Variants in CGNL1 observed in about 807,000 individuals in gnomAD.
The protein encoded by CGNL1 is cingulin-like protein 1.
CGNL1 carries 132 observed loss-of-function variants against 141.2 expected under a neutral mutation model. The ratio of observed to expected loss-of-function variants is 0.93; its 90% CI spans 0.81 to 1.08. The LOEUF (loss-of-function observed/expected upper bound fraction) is 1.08, where lower values mean the gene tolerates loss of function less well. Ranked by LOEUF, CGNL1 falls within the 50% of genes least tolerant of loss-of-function variation. The pLI is 0.00. For synonymous variants in CGNL1, 690 were observed against 622.1 expected (o/e 1.11, Z -1.63); for missense variants, 1,870 against 1,588.6 (o/e 1.18, Z -3.01).
intron 1 of CGNL1, among the ~76,000 whole-genome samples, chr15:57,397,372 C>T (rs1267390973): frequency 2.6e-5 from 4 of 152,136 alleles, no homozygotes; most frequent in Non-Finnish European, 4.4e-5. Flanking sequence ...CTCCATTTGG[C>T]GGAGTGGTGG....
chr15:57,453,954 C>T, intron 7 of CGNL1, 136 bp downstream of exon 7: 1 of 923,696 alleles, frequency 1.1e-6, no homozygotes, highest in East Asian at 2.6e-5. Context: ...ATCTGTGAGT[C>T]AGTGGATGCG....
intron 14 of CGNL1, among the ~76,000 whole-genome samples, chr15:57,537,368 G>T (rs1337056942): frequency 6.6e-6 from 1 of 152,204 alleles, no homozygotes; most frequent in African/African-American, 2.4e-5. Context: ...TCAGCATCAG[G>T]GGTGCCACCC....
At chr15:57,464,063 C>T (rs1464006440) in intron 8 of CGNL1, among the ~76,000 whole-genome samples, 1 of 112,736 alleles carries the variant, frequency 8.9e-6, no homozygotes. Context: ...GCATAGGGGG[C>T]ACTTTTGTCC....
intron 8 of CGNL1, among the ~76,000 whole-genome samples, chr15:57,486,872 C>T (rs1297216162): frequency 1.3e-5 from 2 of 152,148 alleles, no homozygotes; most frequent in East Asian, 1.9e-4. Flanking sequence ...GAGGGGGAGG[C>T]TGTTTGCATT....
intron 1 of CGNL1, among the ~76,000 whole-genome samples, chr15:57,429,224 C>G (rs1412296288): frequency 6.6e-6 from 1 of 152,112 alleles, no homozygotes; most frequent in African/African-American, 2.4e-5. Context: ...ACACAATTAC[C>G]AGTGACAACA....
chr15:57,518,591 C>G (rs1254893567), intron 10 of CGNL1, 94 bp downstream of exon 10: 4 of 820,598 alleles, frequency 4.9e-6, no homozygotes, highest in Non-Finnish European at 8.1e-6. Flanking sequence ...TTGGCCCTCT[C>G]TTTCCATGTA....
At chr15:57,418,084 A>G (rs1190008480) in intron 1 of CGNL1, among the ~76,000 whole-genome samples, 2 of 152,116 alleles carry the variant, frequency 1.3e-5, no homozygotes, top group African/African-American at 4.8e-5. Flanking sequence ...TGGCGGGTTA[A>G]GGGGGAAGCA....
chr15:57,531,142 G>T (rs985429269), intron 13 of CGNL1, among the ~76,000 whole-genome samples: 1 of 152,214 alleles, frequency 6.6e-6, no homozygotes, highest in African/African-American at 2.4e-5. Context: ...CTGAAGTGAT[G>T]ATGAGTTTAA....
chr15:57,486,080 C>T (rs139399318), intron 8 of CGNL1, among the ~76,000 whole-genome samples: 163 of 152,204 alleles, frequency 1.1e-3, no homozygotes, highest in African/African-American at 3.6e-3. Flanking sequence ...GAGCAGGGCC[C>T]GGGCTGACTC....
At chr15:57,500,209 AAG>A (rs1263307269) in intron 8 of CGNL1, among the ~76,000 whole-genome samples, 1 of 152,190 alleles carries the variant, frequency 6.6e-6, no homozygotes, top group East Asian at 1.9e-4. Flanking sequence ...AGCTGAAAAC[AAG>A]AGAGGCTCTT....
chr15:57,475,286 T>C (rs1200252135), intron 8 of CGNL1, among the ~76,000 whole-genome samples: 1 of 152,190 alleles, frequency 6.6e-6, no homozygotes. Context: ...CTGTTGTCCC[T>C]GGTGAGCTTG....
chr15:57,388,188 A>T (rs1762789999), intron 1 of CGNL1, among the ~76,000 whole-genome samples: 2 of 152,176 alleles, frequency 1.3e-5, no homozygotes, highest in Non-Finnish European at 2.9e-5. Flanking sequence ...AGGGTCTGAG[A>T]GCTGGAGGAG....
At chr15:57,494,860 T>TA (rs2063915074) in intron 8 of CGNL1, among the ~76,000 whole-genome samples, 1 of 152,226 alleles carries the variant, frequency 6.6e-6, no homozygotes, top group Admixed American at 6.5e-5. Flanking sequence ...GCCATCCCTC[T>TA]AAATGTCTCC....
At chr15:57,492,827 G>A (rs2063885677) in intron 8 of CGNL1, among the ~76,000 whole-genome samples, 1 of 152,232 alleles carries the variant, frequency 6.6e-6, no homozygotes, top group South Asian at 2.1e-4. Flanking sequence ...AGAGGAGGTA[G>A]ATGCTGAGAT....
intron 1 of CGNL1, among the ~76,000 whole-genome samples, chr15:57,429,731 CT>C (rs1424340722): frequency 3.9e-5 from 6 of 152,182 alleles, no homozygotes; most frequent in African/African-American, 1.4e-4. Flanking sequence ...TAGTCTTTTT[CT>C]CATAAGTGTT....
intron 1 of CGNL1, among the ~76,000 whole-genome samples, chr15:57,384,284 C>G (rs901471354): frequency 6.6e-6 from 1 of 152,094 alleles, no homozygotes; most frequent in African/African-American, 2.4e-5. Context: ...GAGACCTGCC[C>G]AAGATCAGTA....
At chr15:57,518,353 C>G (rs1322204858) in intron 9 of CGNL1, 40 bp from the exon 10 acceptor site, 9 of 1,430,912 alleles carry the variant, frequency 6.3e-6, no homozygotes, top group Non-Finnish European at 8.8e-6. Context: ...ATAGGTACAG[C>G]ACACATCTAA....
intron 8 of CGNL1, among the ~76,000 whole-genome samples, chr15:57,462,477 G>A (rs2063459864): frequency 6.6e-6 from 1 of 152,058 alleles, no homozygotes; most frequent in South Asian, 2.1e-4. Flanking sequence ...AAGTCTTTTG[G>A]GGCAGACGTC....
intron 8 of CGNL1, among the ~76,000 whole-genome samples, chr15:57,510,793 C>T (rs1292391137): frequency 1.3e-5 from 2 of 152,164 alleles, no homozygotes; most frequent in Non-Finnish European, 1.5e-5. Flanking sequence ...GTTGCAAGTC[C>T]TGGGCCATCT....
Sources: gnomAD v4.1 joint callset for allele counts (sites outside exome capture counted in the v4.1 genomes callset) on GRCh38, gnomAD v4.1.1 for gene constraint, MANE v1.5 for transcripts, NCBI Gene and HGNC (gene_info 2026-07-23, HGNC 2026-07-21) for gene names.